Variants in CD8B observed in about 807,000 individuals in gnomAD.
CD8B encodes T-cell surface glycoprotein CD8 beta chain.
CD8B carries 6 observed loss-of-function variants against 24.2 expected under a neutral mutation model. The ratio of observed to expected loss-of-function variants is 0.25; its 90% CI spans 0.14 to 0.49. The LOEUF (loss-of-function observed/expected upper bound fraction) is 0.49, where lower values mean the gene tolerates loss of function less well. Ranked by LOEUF, CD8B falls within the 20% of genes least tolerant of loss-of-function variation. The pLI is 0.98. For synonymous variants in CD8B, 84 were observed against 108.3 expected (o/e 0.78, Z 1.39); for missense variants, 196 against 271.3 (o/e 0.72, Z 1.95).
chr2:86,815,633 G>A, exon 6 of CD8B: 1 of 1,611,922 alleles, frequency 6.2e-7, no homozygotes, highest in Non-Finnish European at 8.5e-7. Flanking sequence ...CATGGGTTAA[G>A]CAGCTTCTGT....
At chr2:86,846,932 T>C (rs1573515479) in intron 3 of CD8B, among the ~76,000 whole-genome samples, 159 bp from the exon 4 acceptor site, 2 of 122,700 alleles carry the variant, frequency 1.6e-5, no homozygotes, top group African/African-American at 3.4e-5. Context: ...CAAGTATTTT[T>C]TTTTTTTTTT....
chr2:86,856,546 C>T (rs761686476), intron 2 of CD8B, among the ~76,000 whole-genome samples: 1 of 152,058 alleles, frequency 6.6e-6, no homozygotes, highest in Non-Finnish European at 1.5e-5. Flanking sequence ...CTGCTGTCCC[C>T]AGCTGCCCCT....
intron 5 of CD8B, among the ~76,000 whole-genome samples, chr2:86,823,279 T>G (rs2104499480): frequency 6.6e-6 from 1 of 152,116 alleles, no homozygotes; most frequent in Non-Finnish European, 1.5e-5. Flanking sequence ...AAAAAAATTT[T>G]TAATTAATTT....
intron 5 of CD8B, among the ~76,000 whole-genome samples, chr2:86,816,426 T>A (rs1674247272): frequency 6.6e-6 from 1 of 152,212 alleles, no homozygotes; most frequent in South Asian, 2.1e-4. Context: ...CACAAGCTGA[T>A]TATCAAATTC....
downstream of CD8B, among the ~76,000 whole-genome samples, chr2:86,834,587 G>C (rs1317289610): frequency 6.6e-6 from 1 of 152,054 alleles, no homozygotes; most frequent in African/African-American, 2.4e-5. Flanking sequence ...TCAAACGTGG[G>C]ATAGCTGTCC....
chr2:86,817,634 TAAAA>T (rs1674308519), intron 5 of CD8B, among the ~76,000 whole-genome samples: 1 of 151,944 alleles, frequency 6.6e-6, no homozygotes, highest in African/African-American at 2.4e-5. Context: ...ATCACAAGTA[TAAAA>T]AAAGCCTGGA....
intron 3 of CD8B, among the ~76,000 whole-genome samples, chr2:86,848,701 A>ATTAATTATTTATTTATTTAT (rs58311096): frequency 0.14 from 8,055 of 58,450 alleles, 2,962 homozygotes; most frequent in East Asian, 0.34. Flanking sequence ...GTATTTTTAA[A>ATTAATTATTTATTTATTTAT]TTATTTATTT....
intron 2 of CD8B, among the ~76,000 whole-genome samples, chr2:86,856,860 T>C (rs976307592): frequency 4.0e-5 from 6 of 150,682 alleles, no homozygotes; most frequent in Admixed American, 2.0e-4. Context: ...GAATGTAAAA[T>C]ATTTCAGCAA....
At chr2:86,827,519 G>A (rs1036947616) in intron 5 of CD8B, among the ~76,000 whole-genome samples, 6 of 151,722 alleles carry the variant, frequency 4.0e-5, no homozygotes, top group African/African-American at 1.5e-4. Flanking sequence ...AGCTACTCAC[G>A]AGCTAAGTGG....
At chr2:86,836,722 C>T (rs1026683718), downstream of CD8B, among the ~76,000 whole-genome samples, 7 of 152,090 alleles carry the variant, frequency 4.6e-5, no homozygotes, top group African/African-American at 1.2e-4. Context: ...GCCATGATGG[C>T]GCCACTGCAC....
downstream of CD8B, among the ~76,000 whole-genome samples, chr2:86,834,152 G>T (rs182828948): frequency 1.8e-4 from 28 of 152,154 alleles, no homozygotes; most frequent in African/African-American, 6.7e-4. Context: ...CCATTCCCAG[G>T]AGTGCTGAGT....
chr2:86,844,768 G>A, intron 5 of CD8B, 154 bp downstream of exon 5: 12 of 1,536,028 alleles, frequency 7.8e-6, no homozygotes, highest in South Asian at 1.2e-5. Context: ...TCAGCCTCCC[G>A]AGTAGCTGTG....
intron 2 of CD8B, among the ~76,000 whole-genome samples, chr2:86,856,663 C>T (rs1324508998): frequency 1.3e-5 from 2 of 151,690 alleles, no homozygotes; most frequent in Non-Finnish European, 2.9e-5. Context: ...GGGTTGGCTC[C>T]AGCCTTGGGC....
Position 86,840,691 on chromosome 2 carries a change from T to G in CD8B, c.*1616A>C, listed in dbSNP as rs1675381479. Among the ~76,000 whole-genome samples the G allele has an allele frequency of 6.6e-6, 1 of 152,194 alleles. No individual in the cohort carries two copies. Among genetic ancestry groups the G allele is most frequent in the South Asian group, 2.1e-4 (1 of 4,830 alleles). ...TCAATAAATTCTTCCTTTTGCTGCTTTTATTCCTTTATTACTTTGTATGTT... is the reference window on the plus strand; with the variant it reads ...TCAATAAATTCTTCCTTTTGCTGCTGTTATTCCTTTATTACTTTGTATGTT... On this transcript the variant is annotated 3_prime_UTR_variant, in exon 6 of 6. Coordinates refer to ENST00000390655, the MANE Select transcript of CD8B (RefSeq NM_004931.5).
downstream of CD8B, among the ~76,000 whole-genome samples, chr2:86,834,471 C>T (rs1233943107): frequency 1.4e-5 from 1 of 72,178 alleles, no homozygotes; most frequent in East Asian, 1.1e-3. Flanking sequence ...TTCTCTTACA[C>T]ACACACACAC....
Position 86,841,491 on chromosome 2 carries a change from T to C in CD8B, c.*816A>G, listed in dbSNP as rs1003332964. On this transcript the variant is annotated 3_prime_UTR_variant, in exon 6 of 6. Coordinates refer to ENST00000390655, the MANE Select transcript of CD8B (RefSeq NM_004931.5). ...GAGGATCTCAGGTGCAAAAGGAGGA[T>C]GTACAAATTTTCTCCTTCTGGTTTC... is the stretch of plus-strand genomic sequence containing the variant. 1.6e-5 allele frequency: 9 copies of C among 578,536 alleles called. No individual in the cohort carries two copies. Among genetic ancestry groups the C allele is most frequent in the Non-Finnish European group, 2.0e-5 (9 of 459,164 alleles). 35.8% of individuals were successfully genotyped at this position (578,536 alleles called of 1,614,324 possible).
chr2:86,827,925 G>T (rs1265194998), intron 5 of CD8B, among the ~76,000 whole-genome samples: 3 of 152,166 alleles, frequency 2.0e-5, no homozygotes, highest in African/African-American at 7.2e-5. Flanking sequence ...ACCTGAAGTT[G>T]AACTGCCTTG....
At chr2:86,829,794 C>G (rs187894728) in intron 5 of CD8B, among the ~76,000 whole-genome samples, 1 of 152,172 alleles carries the variant, frequency 6.6e-6, no homozygotes, top group Non-Finnish European at 1.5e-5. Flanking sequence ...GCAACTGTTT[C>G]GGTAAATCTT....
At chr2:86,842,655 G>A (rs960912500) in intron 5 of CD8B, among the ~76,000 whole-genome samples, 1 of 152,220 alleles carries the variant, frequency 6.6e-6, no homozygotes, top group Non-Finnish European at 1.5e-5. Flanking sequence ...TCTAAGGACA[G>A]TTAGAGGCTG....
Sources: allele counts gnomAD v4.1 joint callset (sites outside exome capture counted in the v4.1 genomes callset), GRCh38; gene constraint gnomAD v4.1.1; transcripts MANE v1.5; gene names NCBI Gene and HGNC (gene_info 2026-07-23, HGNC 2026-07-21).